Variants in UBXN6 observed in about 807,000 individuals in gnomAD.
UBXN6 encodes the protein UBX domain protein 6.
Under a neutral mutation model 51.4 loss-of-function variants are expected in UBXN6, and 44 were observed. The observed-to-expected ratio is 0.86, with a 90% CI of 0.67 to 1.10. The LOEUF (loss-of-function observed/expected upper bound fraction) is 1.10. UBXN6 is among the 50% of genes least tolerant of loss of function. The probability of loss-of-function intolerance (pLI) is 0.00; values close to 1 mark genes in which losing one functional copy is unlikely to be tolerated. For missense variants in UBXN6, 672 were observed against 596.1 expected (o/e 1.13, Z -1.32); for synonymous variants, 316 against 263.2 (o/e 1.20, Z -1.94).
chr19:4,446,571 G>A lies in UBXN6; in HGVS notation c.849C>T (p.Ala283=), dbSNP rs149091880. The part of the protein sequence containing the change: ...QRRVFQPSPL[A]SQFELPGDFF... Reference sequence around the variant, plus strand: ...AGTCCCCAGGCAGTTCGAACTGCGAGGCCAGGGGCGAGGGCTGGAAGACGC... The same window carrying A: ...AGTCCCCAGGCAGTTCGAACTGCGAAGCCAGGGGCGAGGGCTGGAAGACGC... Residue 283 remains alanine, a synonymous_variant, in exon 8 of 11, where the codon GCC becomes GCT. Coordinates refer to ENST00000301281, the MANE Select transcript of UBXN6 (RefSeq NM_025241.3). 6.1e-5 allele frequency: 98 copies of A among 1,612,582 alleles called. No homozygotes were observed. The African/African-American group carries it at 1.1e-3, about 18-fold the overall frequency.
intron 3 of UBXN6, among the ~76,000 whole-genome samples, chr19:4,452,850 C>T (rs189254349): frequency 3.3e-5 from 5 of 152,318 alleles, no homozygotes; most frequent in African/African-American, 1.2e-4. Context: ...GGGCACAGTG[C>T]GCTGGACAAG....
At position 4,454,087 on chromosome 19, in the gene UBXN6, C is replaced by T. The variant is rs1599681169; in HGVS notation, c.90G>A (p.Lys30=). Residue 30 remains lysine (K), a synonymous_variant, in exon 2 of 11, where the codon AAG becomes AAA. Coordinates refer to ENST00000301281, the MANE Select transcript of UBXN6 (RefSeq NM_025241.3). ...GQKLKESVGE[K]AHKEKPNQPA... ...GCTGGTTGGGCTTCTCTTTGTGGGC[C>T]TTTTCCCTGGGAACAGACCGAGGGA... 2 of 1,551,064 alleles carry T rather than the reference C, an allele frequency of 1.3e-6. No individual in the cohort carries two copies. The highest frequency in any genetic ancestry group is 2.0e-5 in the Admixed American group (1 of 50,914).
chr19:4,449,495 CAG>C (rs367682939), intron 4 of UBXN6: 7 of 152,540 alleles, frequency 4.6e-5, no homozygotes, highest in African/African-American at 1.7e-4. Context: ...GGGAGCGGGA[CAG>C]AGCACGTGGA....
intron 10 of UBXN6, 82 bp downstream of exon 10, chr19:4,445,967 C>T (rs780382263): frequency 5.3e-6 from 8 of 1,510,532 alleles, no homozygotes; most frequent in African/African-American, 1.4e-5. Context: ...CAAGGAGGCT[C>T]CCTCCTGGGG....
Position 4,453,572 on chromosome 19 carries a change from C to T in UBXN6, c.248-50G>A, listed in dbSNP as rs529672396. On this transcript the variant is annotated intron_variant, in intron 2 of 10. Transcript: ENST00000301281. ...GGCAGAGACGGGATAGTGAGCACGC[C>T]GCTGTCCTGGCCCAAGCCCCCTCAT... 23 of 1,596,476 alleles carry T rather than the reference C, an allele frequency of 1.4e-5. No individual in the cohort carries two copies. The African/African-American group carries it at 1.7e-4, about 12-fold the overall frequency.
intron 5 of UBXN6, 89 bp downstream of exon 5, chr19:4,448,229 G>A (rs932096718): frequency 1.0e-5 from 12 of 1,196,974 alleles, no homozygotes; most frequent in Non-Finnish European, 1.4e-5. Flanking sequence ...AGCAGGTAAT[G>A]AGGGGGCCAG....
At position 4,446,516 on chromosome 19, in the gene UBXN6, G is replaced by A. The variant is rs145303168; in HGVS notation, c.904C>T (p.Arg302Trp). ...CAGGCCCACCTGAGCCTCTGCTCCCGCTTGATCTCCTCTGCTGTGAGGTTG... is the reference window on the plus strand; with the variant it reads ...CAGGCCCACCTGAGCCTCTGCTCCCACTTGATCTCCTCTGCTGTGAGGTTG... The part of the protein sequence containing the change: ...FFNLTAEEIK[R>W]EQRLRSEAVE... The change falls in exon 8 of 11, where the codon CGG becomes TGG. Residue 302 changes from arginine to tryptophan, a missense_variant. Coordinates refer to ENST00000301281, the MANE Select transcript of UBXN6 (RefSeq NM_025241.3). 1.1e-5 allele frequency: 17 copies of A among 1,610,112 alleles called. No homozygotes were observed. The highest frequency in any genetic ancestry group is 1.1e-5 in the Non-Finnish European group (13 of 1,179,466).
chr19:4,445,088 C>T lies in UBXN6; in HGVS notation c.*410G>A, dbSNP rs972291337. 19 of 188,402 alleles carry T rather than the reference C, an allele frequency of 1.0e-4. No homozygotes were observed. Among genetic ancestry groups the T allele is most frequent in the Non-Finnish European group, 2.0e-4 (18 of 90,528 alleles). 11.7% of individuals were successfully genotyped at this position (188,402 alleles called of 1,614,324 possible). A position where few individuals can be genotyped will look rare whatever the true frequency, so the allele number is the denominator to read the frequency against. Reference sequence around the variant, plus strand: ...CAGGAAGGCCAGCATCCCCTCCTGCCGTTGTCACCCACATCCACAGAGCAG... The same window carrying T: ...CAGGAAGGCCAGCATCCCCTCCTGCTGTTGTCACCCACATCCACAGAGCAG... On this transcript the variant is annotated 3_prime_UTR_variant, in exon 11 of 11. Transcript: ENST00000301281.
At chr19:4,452,734 T>A (rs1394865426) in intron 3 of UBXN6, among the ~76,000 whole-genome samples, 1 of 152,106 alleles carries the variant, frequency 6.6e-6, no homozygotes, top group Non-Finnish European at 1.5e-5. Flanking sequence ...GAACGGAAAG[T>A]ACGGAGCAGC....
At chr19:4,452,020 G>C (rs1046094885) in intron 4 of UBXN6, among the ~76,000 whole-genome samples, 1 of 150,686 alleles carries the variant, frequency 6.6e-6, no homozygotes, top group Non-Finnish European at 1.5e-5. Flanking sequence ...ATGGTGGCAG[G>C]TGCCTGTAAT....
In UBXN6 at chr19:4,446,685, G is replaced by A. The variant is rs1270474250; in HGVS notation, c.735C>T (p.Thr245=). The part of the protein sequence containing the change: ...DPEEFYVLSE[T]TLAQPQSLER... ...CCAGGCTCTGGGGCTGGGCCAAGGT[G>A]GTCTCGCTCAGCACGTAGAACTCCT... Residue 245 remains threonine (T), a synonymous_variant, in exon 8 of 11, where the codon ACC becomes ACT. Transcript: ENST00000301281. The A allele has an allele frequency of 6.2e-7, 1 of 1,611,272 alleles. No homozygotes were observed. Among genetic ancestry groups the A allele is most frequent in the African/African-American group, 1.3e-5 (1 of 74,898 alleles).
At chr19:4,445,794 C>T (rs1438894456) in intron 10 of UBXN6, 171 bp from the exon 11 acceptor site, 2 of 1,186,676 alleles carry the variant, frequency 1.7e-6, no homozygotes, top group Admixed American at 2.8e-5. Flanking sequence ...GACTCCAGGA[C>T]CTAAGCCTAA....
rs1175795241 is a variant in UBXN6, at chr19:4,455,891, G to A, written c.83+1724C>T. Among the ~76,000 whole-genome samples, 8 of 151,978 alleles carry A rather than the reference G, an allele frequency of 5.3e-5. 1 individual carries two copies. On this transcript the variant is annotated intron_variant, in intron 1 of 10. Transcript: ENST00000301281. ...CGGCCCCTGCTCACCCTCCTTGGAG[G>A]CCCTGGGCACTCATCCAAGCACTCA...
intron 1 of UBXN6, among the ~76,000 whole-genome samples, chr19:4,455,800 G>A (rs1974731732): frequency 1.3e-5 from 2 of 152,094 alleles, no homozygotes; most frequent in Non-Finnish European, 2.9e-5. Context: ...GGGAGAGAAG[G>A]AGGGGCAGAT....
intron 1 of UBXN6, chr19:4,455,183 C>G: frequency 1.0e-6 from 1 of 984,598 alleles, no homozygotes. Flanking sequence ...ACGCGTCTGT[C>G]TCACCCGTCT....
At chr19:4,456,689 G>A (rs560115585) in intron 1 of UBXN6, among the ~76,000 whole-genome samples, 2 of 152,194 alleles carry the variant, frequency 1.3e-5, no homozygotes, top group South Asian at 2.1e-4. Flanking sequence ...TAGACAATCC[G>A]GAAGCCTGCC....
At chr19:4,456,694 C>A (rs1455853160) in intron 1 of UBXN6, among the ~76,000 whole-genome samples, 1 of 152,286 alleles carries the variant, frequency 6.6e-6, no homozygotes, top group East Asian at 1.9e-4. Context: ...AATCCGGAAG[C>A]CTGCCCGGCA....
At chr19:4,453,807 C>T (rs986397608) in intron 2 of UBXN6, 123 bp downstream of exon 2, 14 of 1,413,856 alleles carry the variant, frequency 9.9e-6, no homozygotes, top group South Asian at 2.7e-5. Flanking sequence ...CTTGATGAGC[C>T]GCTCCCAAGG....
rs243395 is a variant in UBXN6, at chr19:4,452,500, G to A, written c.313-8C>T. The A allele has an allele frequency of 0.3, 485,676 of 1,607,112 alleles. 78,040 individuals carry two copies. The highest frequency in any genetic ancestry group is 0.61 in the East Asian group (27,077 of 44,676). On this transcript the variant is annotated splice_region_variant and splice_polypyrimidine_tract_variant and intron_variant, in intron 3 of 10. Transcript: ENST00000301281. ...CTCTCTGGGCTCAGATACCTGGGGC[G>A]GTGAAAGCGTCCAAGTCTGGACCGT...
Sources: allele counts gnomAD v4.1 joint callset (sites outside exome capture counted in the v4.1 genomes callset), GRCh38; gene constraint gnomAD v4.1.1; transcripts MANE v1.5; gene names NCBI Gene and HGNC (gene_info 2026-07-23, HGNC 2026-07-21).